CCDC33: variants seen among roughly 807,000 people sequenced by gnomAD.
The protein encoded by CCDC33 is coiled-coil domain containing 33.
CCDC33 carries 94 observed loss-of-function variants against 91.9 expected under a neutral mutation model. That is an observed-to-expected ratio of 1.02 (90% CI 0.87 to 1.21). CCDC33 has a LOEUF of 1.21. Ranked by LOEUF, CCDC33 falls within the 50% of genes most tolerant of loss-of-function variation. The pLI is 0.00. For synonymous variants in CCDC33, 396 were observed against 374.5 expected, an observed-to-expected ratio of 1.06 and a Z score of -0.66; for missense variants, 940 against 935.5, an observed-to-expected ratio of 1.00 and a Z score of -0.06.
intron 2 of CCDC33, 107 bp from the exon 3 acceptor site, chr15:74,262,333 T>A (rs2076047452): frequency 2.6e-5 from 37 of 1,423,322 alleles, no homozygotes; most frequent in Non-Finnish European, 3.5e-5. Context: ...GAGCTCTCCA[T>A]ATTCTGTCCA....
intron 3 of CCDC33, among the ~76,000 whole-genome samples, chr15:74,266,402 A>G (rs935751900): frequency 1.3e-5 from 2 of 152,138 alleles, no homozygotes; most frequent in African/African-American, 4.8e-5. Context: ...GTGTGTGTCT[A>G]TCTCTGACCT....
chr15:74,308,680 C>A (rs144753733), intron 11 of CCDC33, among the ~76,000 whole-genome samples: 3 of 152,232 alleles, frequency 2.0e-5, no homozygotes, highest in Non-Finnish European at 2.9e-5. Context: ...AAAGGGGGCT[C>A]AGCATCTCTG....
chr15:74,240,288 G>A (rs1350262346), intron 1 of CCDC33, among the ~76,000 whole-genome samples: 1 of 152,242 alleles, frequency 6.6e-6, no homozygotes, highest in Non-Finnish European at 1.5e-5. Flanking sequence ...TCCTGGCCAG[G>A]TCTGCAGATG....
chr15:74,272,939 A>T, intron 7 of CCDC33, 48 bp downstream of exon 7: 8 of 1,609,770 alleles, frequency 5.0e-6, no homozygotes, highest in Non-Finnish European at 6.8e-6. Flanking sequence ...TACCCCACAC[A>T]TTCACTGTTC....
intron 1 of CCDC33, chr15:74,243,683 G>T (rs1309400137): frequency 2.1e-6 from 1 of 474,434 alleles, no homozygotes; most frequent in Admixed American, 2.3e-5. Context: ...AGGGCCAGGT[G>T]CAGTAACTCA....
intron 2 of CCDC33, among the ~76,000 whole-genome samples, chr15:74,256,585 G>A (rs758087146): frequency 2.0e-5 from 3 of 152,098 alleles, no homozygotes; most frequent in Admixed American, 6.6e-5. Context: ...CACCCATTGC[G>A]GCCCAAGAAG....
intron 10 of CCDC33, among the ~76,000 whole-genome samples, chr15:74,289,175 G>A (rs1224956177): frequency 1.3e-5 from 2 of 152,174 alleles, no homozygotes; most frequent in Non-Finnish European, 2.9e-5. Context: ...GCCTTGTCAG[G>A]TGCTGAAGAT....
Position 74,330,213 on chromosome 15 carries a change from A to G in CCDC33, c.1315A>G (p.Met439Val). 3.7e-6 allele frequency: 6 copies of G among 1,610,342 alleles called. No individual in the cohort carries two copies. Among genetic ancestry groups the G allele is most frequent in the Non-Finnish European group, 5.1e-6 (6 of 1,177,812 alleles). The change falls in exon 12 of 19, where the codon ATG becomes GTG. Residue 439 changes from methionine to valine, a missense_variant. Transcript: ENST00000398814. ...GGAGATGAACAACTACCGGCGGGCC[A>G]TGCAGAAGATGGCAGAGGACATCCT... Reference protein sequence around the residue: ...DTEMNNYRRAMQKMAEDILSL... With the variant: ...DTEMNNYRRAVQKMAEDILSL...
Position 74,236,578 on chromosome 15 carries a change from C to T in CCDC33, c.-142C>T. The T allele has an allele frequency of 1.6e-6, 1 of 628,186 alleles. No homozygotes were observed. 38.9% of individuals were successfully genotyped at this position (628,186 alleles called of 1,614,324 possible). A position where few individuals can be genotyped will look rare whatever the true frequency, so the allele number is the denominator to read the frequency against. ...GTGGCACCCCTGAGACCACATTGACCTCCATACTGTCTACTACCCATAAGG... is the reference window on the plus strand; with the variant it reads ...GTGGCACCCCTGAGACCACATTGACTTCCATACTGTCTACTACCCATAAGG... On this transcript the variant is annotated 5_prime_UTR_variant, in exon 1 of 19. Transcript: ENST00000398814.
intron 16 of CCDC33, 105 bp downstream of exon 16, chr15:74,332,950 C>T: frequency 1.5e-5 from 20 of 1,364,400 alleles, no homozygotes; most frequent in Non-Finnish European, 2.0e-5. Flanking sequence ...CTAAGCTTCC[C>T]AGGGTCTCCA....
chr15:74,229,627 A>G (rs2074905913), intron 2 of CCDC33, among the ~76,000 whole-genome samples: 1 of 152,242 alleles, frequency 6.6e-6, no homozygotes, highest in Non-Finnish European at 1.5e-5. Context: ...TGAGGTTCCT[A>G]TACACACCCG....
chr15:74,268,746 C>T (rs903371578), intron 5 of CCDC33, among the ~76,000 whole-genome samples: 1 of 152,200 alleles, frequency 6.6e-6, no homozygotes, highest in African/African-American at 2.4e-5. Context: ...CCTGGTGTAC[C>T]GTCTCTGTGC....
intron 11 of CCDC33, among the ~76,000 whole-genome samples, chr15:74,325,393 G>A (rs1403387269): frequency 1.3e-5 from 2 of 151,886 alleles, no homozygotes; most frequent in Non-Finnish European, 2.9e-5. Flanking sequence ...CCTACCCCGG[G>A]TAACACCTGC....
At chr15:74,327,327 A>G (rs2060329950) in intron 11 of CCDC33, among the ~76,000 whole-genome samples, 1 of 152,124 alleles carries the variant, frequency 6.6e-6, no homozygotes. Context: ...TGTCTGTCAA[A>G]GCGAGGTGTT....
At chr15:74,215,815 G>A (rs1349020024), upstream of CCDC33, among the ~76,000 whole-genome samples, 3 of 150,156 alleles carry the variant, frequency 2.0e-5, no homozygotes, top group Non-Finnish European at 4.4e-5. Flanking sequence ...AGGTTGCAGT[G>A]AGCCGAGATC....
chr15:74,240,020 G>A (rs2075296436), intron 1 of CCDC33, among the ~76,000 whole-genome samples: 1 of 152,224 alleles, frequency 6.6e-6, no homozygotes. Context: ...AAAAGGGATA[G>A]CAGGAGGTTA....
At chr15:74,276,954 C>G (rs1843366) in intron 7 of CCDC33, among the ~76,000 whole-genome samples, 19,121 of 146,586 alleles carry the variant, frequency 0.13, 1,631 homozygotes, top group East Asian at 0.32. Context: ...GTGTGTGTGT[C>G]TGTCTGTCTG....
chr15:74,311,213 C>T (rs2142744402), intron 11 of CCDC33, among the ~76,000 whole-genome samples: 1 of 152,270 alleles, frequency 6.6e-6, no homozygotes, highest in East Asian at 1.9e-4. Context: ...TTGGATCCCC[C>T]AAGAGCCCCA....
chr15:74,203,121 G>A, intron 1 of CCDC33: 1 of 985,586 alleles, frequency 1.0e-6, no homozygotes, highest in Non-Finnish European at 1.2e-6. Flanking sequence ...GCTGGGGCTG[G>A]GCTGGGGCGG....
Sources: gnomAD v4.1 joint callset for allele counts (sites outside exome capture counted in the v4.1 genomes callset) on GRCh38, gnomAD v4.1.1 for gene constraint, MANE v1.5 for transcripts, NCBI Gene and HGNC (gene_info 2026-07-23, HGNC 2026-07-21) for gene names.